Variants in RNF212 observed in about 807,000 individuals in gnomAD.
The protein encoded by RNF212 is ring finger protein 212, also known as probable E3 SUMO-protein ligase RNF212.
Under a neutral mutation model 34.7 loss-of-function variants are expected in RNF212, and 33 were observed. The ratio of observed to expected loss-of-function variants is 0.95; its 90% confidence interval spans 0.72 to 1.27. RNF212 has a LOEUF of 1.27. RNF212 is among the 50% of genes most tolerant of loss of function. The probability of loss-of-function intolerance (pLI) is 0.00; values close to 1 mark genes in which losing one functional copy is unlikely to be tolerated. For synonymous variants in RNF212, 140 were observed against 136.1 expected (o/e 1.03, Z -0.20); for missense variants, 377 against 362.2 (o/e 1.04, Z -0.33).
intron 4 of RNF212, among the ~76,000 whole-genome samples, chr4:1,088,600 G>T (rs765375570): frequency 4.6e-5 from 7 of 152,236 alleles, no homozygotes; most frequent in Non-Finnish European, 1.0e-4. Flanking sequence ...TAAGTAACCA[G>T]GAGCCAGGAC....
intron 1 of RNF212, among the ~76,000 whole-genome samples, chr4:1,111,916 G>A (rs1725726843): frequency 6.6e-6 from 1 of 152,208 alleles, no homozygotes; most frequent in Non-Finnish European, 1.5e-5. Context: ...GAAAGTAGAT[G>A]AACTACAGTT....
At chr4:1,064,489 G>A (rs368412905) in intron 3 of RNF212, among the ~76,000 whole-genome samples, 4 of 152,164 alleles carry the variant, frequency 2.6e-5, no homozygotes, top group Non-Finnish European at 5.9e-5. Flanking sequence ...TTTATTTCTC[G>A]CAGTTCTGGA....
chr4:1,105,590 T>C (rs1230781876), intron 2 of RNF212, among the ~76,000 whole-genome samples: 1 of 152,250 alleles, frequency 6.6e-6, no homozygotes, highest in Non-Finnish European at 1.5e-5. Flanking sequence ...ACAATGTGTT[T>C]TGTTTTAAAG....
intron 1 of RNF212, among the ~76,000 whole-genome samples, chr4:1,112,719 G>A (rs1432871372): frequency 1.0e-5 from 1 of 99,042 alleles, no homozygotes; most frequent in Non-Finnish European, 2.0e-5. Flanking sequence ...TCCCCCCGGC[G>A]GCCCCTCCCC....
At chr4:1,071,362 T>C (rs768008119), downstream of RNF212, 26 of 152,142 alleles carry the variant, frequency 1.7e-4, no homozygotes, top group Non-Finnish European at 3.1e-4. Flanking sequence ...TCTTACAACA[T>C]ACCTCAAGAT....
intron 3 of RNF212, among the ~76,000 whole-genome samples, chr4:1,066,085 TG>T (rs1471185698): frequency 6.0e-5 from 9 of 150,992 alleles, no homozygotes; most frequent in African/African-American, 2.2e-4. Context: ...GATACTATCT[TG>T]CTGTTTTTTT....
In RNF212 at chr4:1,113,499, C is replaced by T. The variant is rs770989872; in HGVS notation, c.-35G>A. The stretch of plus-strand genomic sequence containing the variant: ...GCGACCGCAGCGGCGAGGCCGGGCC[C>T]ACGCGAAGCCCACGCAAGGTTGGGA... On this transcript the variant is annotated 5_prime_UTR_variant, in exon 1 of 10. Coordinates refer to ENST00000433731, the MANE Select transcript of RNF212 (RefSeq NM_001131034.4). 1 of 1,563,618 alleles carries T rather than the reference C, an allele frequency of 6.4e-7. No individual in the cohort carries two copies. Among genetic ancestry groups the T allele is most frequent in the Non-Finnish European group, 8.7e-7 (1 of 1,143,970 alleles).
chr4:1,057,001 A>G, intron 4 of RNF212: 5 of 987,468 alleles, frequency 5.1e-6, no homozygotes, highest in Non-Finnish European at 6.0e-6. Context: ...GCAGAGGTGG[A>G]ATCCTAATAA....
rs574604591 is a variant in RNF212 at position 1,056,607 on chromosome 4, A to G, written n.221-104T>C. On this transcript the variant is annotated intron_variant and non_coding_transcript_variant, in intron 4 of 4. Transcript: ENST00000503206. ...TTTTAAAAAATTCAGATGTCATCTT[A>G]GTATTTTCAGAGTATTATCAATATG... 1.7e-4 allele frequency: 87 copies of G among 506,552 alleles called. No individual in the cohort carries two copies. In the Middle Eastern group the frequency reaches 4.1e-3, roughly 24 times the overall value. 31.4% of individuals were successfully genotyped at this position (506,552 alleles called of 1,614,324 possible).
chr4:1,098,226 C>T (rs1400358293), intron 2 of RNF212, among the ~76,000 whole-genome samples: 2 of 152,176 alleles, frequency 1.3e-5, no homozygotes, highest in Non-Finnish European at 2.9e-5. Context: ...ACCTACCTAC[C>T]AGTGGCTCCC....
In RNF212 at chr4:1,072,604, G is replaced by T; in HGVS notation, c.*270C>A. 1.0e-6 allele frequency: 1 copy of T among 970,736 alleles called. No homozygotes were observed. The highest frequency in any genetic ancestry group is 1.3e-6 in the Non-Finnish European group (1 of 783,204). 60.1% of individuals were successfully genotyped at this position (970,736 alleles called of 1,614,324 possible). On this transcript the variant is annotated 3_prime_UTR_variant, in exon 10 of 10. Transcript: ENST00000433731. ...AAAAACCACCCAGTTAGAAAAAAATGATTTAAGTATGTGAAAAAAAAACTC... is the reference window on the plus strand; with the variant it reads ...AAAAACCACCCAGTTAGAAAAAAATTATTTAAGTATGTGAAAAAAAAACTC...
At chr4:1,063,231 A>T (rs973923174) in intron 3 of RNF212, among the ~76,000 whole-genome samples, 3 of 152,242 alleles carry the variant, frequency 2.0e-5, no homozygotes, top group African/African-American at 7.2e-5. Context: ...TGGAAATGCA[A>T]GGAACTCAAA....
At position 1,062,004 on chromosome 4, in the gene RNF212, C is replaced by T. The variant is rs558329704; in HGVS notation, n.148-3611G>A. Among the ~76,000 whole-genome samples the T allele has an allele frequency of 2.4e-3, 364 of 152,212 alleles. 1 individual carries two copies. Among genetic ancestry groups the T allele is most frequent in the Non-Finnish European group, 3.8e-3 (257 of 68,026 alleles). On this transcript the variant is annotated intron_variant and non_coding_transcript_variant, in intron 3 of 4. Transcript: ENST00000503206. Reference sequence around the variant, plus strand: ...TTCCTAAGGACTCCAGAGCGGCTACCGTAAATGAGCCAAAGAATTAAAGGA... The same window carrying T: ...TTCCTAAGGACTCCAGAGCGGCTACTGTAAATGAGCCAAAGAATTAAAGGA...
At chr4:1,111,712 T>G (rs965148371) in intron 1 of RNF212, among the ~76,000 whole-genome samples, 2 of 152,136 alleles carry the variant, frequency 1.3e-5, no homozygotes, top group Non-Finnish European at 2.9e-5. Flanking sequence ...AATACACACC[T>G]GAAATCAACA....
At chr4:1,093,753 G>A in intron 3 of RNF212, 7 of 1,536,272 alleles carry the variant, frequency 4.6e-6, no homozygotes, top group Non-Finnish European at 5.2e-6. Context: ...TGGCCCCAAG[G>A]GGACTTGGTG....
intron 2 of RNF212, among the ~76,000 whole-genome samples, chr4:1,104,476 G>A (rs1323811141): frequency 6.6e-6 from 1 of 152,226 alleles, no homozygotes; most frequent in African/African-American, 2.4e-5. Flanking sequence ...GGCTGTCCAG[G>A]AGGCTGTTTT....
intron 2 of RNF212, among the ~76,000 whole-genome samples, chr4:1,105,393 G>A (rs1361143646): frequency 1.3e-5 from 2 of 152,174 alleles, no homozygotes; most frequent in East Asian, 1.9e-4. Flanking sequence ...CAACCAATAC[G>A]GTGGTGCCCT....
Position 1,073,143 on chromosome 4 carries a change from T to C in RNF212, c.625A>G (p.Lys209Glu). Residue 209 changes from lysine (K) to glutamate (E), a missense_variant, in exon 10 of 10, where the codon AAG becomes GAG. Coordinates refer to ENST00000433731, the MANE Select transcript of RNF212 (RefSeq NM_001131034.4). ...FCFIPWLTLS[K>E]PPVPGECVIS... is the part of the protein sequence containing the mutation. ...ACACACTCTCCGGGCACAGGGGGCTTAGACAAGGTCAACCATGGGATGAAA... is the reference window on the plus strand; with the variant it reads ...ACACACTCTCCGGGCACAGGGGGCTCAGACAAGGTCAACCATGGGATGAAA... The C allele has an allele frequency of 1.2e-6, 2 of 1,614,160 alleles. No individual in the cohort carries two copies. Among genetic ancestry groups the C allele is most frequent in the Non-Finnish European group, 1.7e-6 (2 of 1,180,018 alleles).
chr4:1,071,604 T>TA lies in RNF212; in HGVS notation c.*1269dup, dbSNP rs1718500490. 1 of 152,064 alleles carries TA rather than the reference T, an allele frequency of 6.6e-6. No homozygotes were observed. The highest frequency in any genetic ancestry group is 6.5e-5 in the Admixed American group (1 of 15,274). 9.4% of individuals were successfully genotyped at this position (152,064 alleles called of 1,614,324 possible). On this transcript the variant is annotated 3_prime_UTR_variant, in exon 10 of 10. Transcript: ENST00000433731. ...CTCAACAATAAGAAAACAATCCAAT[T>TA]AAAAAATGGGCCAAATACCTTAACA...
Sources: gnomAD v4.1 joint callset for allele counts (sites outside exome capture counted in the v4.1 genomes callset) on GRCh38, gnomAD v4.1.1 for gene constraint, MANE v1.5 for transcripts, NCBI Gene and HGNC (gene_info 2026-07-23, HGNC 2026-07-21) for gene names.